Variants in CAMK2D observed in about 807,000 individuals in gnomAD.
CAMK2D encodes calcium/calmodulin dependent protein kinase II delta.
A neutral mutation model predicts 84.0 loss-of-function variants in CAMK2D; 37 were observed. That is an observed-to-expected ratio of 0.44 (90% CI 0.34 to 0.58). The LOEUF is 0.58. Ranked by LOEUF, CAMK2D falls within the 20% of genes least tolerant of loss-of-function variation. The pLI, the probability that CAMK2D is intolerant of heterozygous loss-of-function variation, is 0.02. For synonymous variants in CAMK2D, 202 were observed against 212.5 expected (o/e 0.95, Z 0.43); for missense variants, 448 against 652.5 (o/e 0.69, Z 3.41).
At chr4:113,670,715 G>A (rs2099277559) in intron 2 of CAMK2D, among the ~76,000 whole-genome samples, 1 of 149,086 alleles carries the variant, frequency 6.7e-6, no homozygotes, top group African/African-American at 2.5e-5. Flanking sequence ...GAAGGACCCA[G>A]AATGGAAACA....
At chr4:113,511,564 T>C (rs994409671) in intron 12 of CAMK2D, among the ~76,000 whole-genome samples, 3 of 152,210 alleles carry the variant, frequency 2.0e-5, no homozygotes, top group African/African-American at 7.2e-5. Context: ...TTATGCTATA[T>C]AAATCACTCT....
intron 3 of CAMK2D, among the ~76,000 whole-genome samples, chr4:113,614,130 G>A (rs1286771334): frequency 6.6e-6 from 1 of 152,070 alleles, no homozygotes; most frequent in Non-Finnish European, 1.5e-5. Context: ...TTCTATTTCA[G>A]TACTACTTCT....
At chr4:113,673,989 T>A (rs1028653764) in intron 2 of CAMK2D, among the ~76,000 whole-genome samples, 1 of 87,944 alleles carries the variant, frequency 1.1e-5, no homozygotes, top group Non-Finnish European at 2.2e-5. Flanking sequence ...AGAATTCTGA[T>A]TACAGATTTA....
chr4:113,562,555 G>C (rs951063340), intron 4 of CAMK2D, among the ~76,000 whole-genome samples: 12 of 152,246 alleles, frequency 7.9e-5, no homozygotes, highest in Non-Finnish European at 1.3e-4. Flanking sequence ...ATTTCTAAGT[G>C]CATGCTTTTT....
At chr4:113,517,772 G>A in intron 8 of CAMK2D, 115 bp from the exon 9 acceptor site, 1 of 579,888 alleles carries the variant, frequency 1.7e-6, no homozygotes, top group Non-Finnish European at 3.2e-6. Flanking sequence ...AAACTGGATT[G>A]TAGGAAAACT....
In CAMK2D at chr4:113,500,463, CT is replaced by C; in HGVS notation, c.1134del (p.Ala379HisfsTer13). ...SNTTIEDEDV[K>X]ARKQEIIKVT... is the part of the protein sequence containing the mutation. ...TTTTCCATTTCTGGTTAAATCATACCTTTCACATCTTCATCCTCAATTGTTG... is the reference window on the plus strand; with the variant it reads ...TTTTCCATTTCTGGTTAAATCATACCTTCACATCTTCATCCTCAATTGTTG... On this transcript the variant is annotated frameshift_variant and splice_region_variant, in exon 16 of 21. Coordinates refer to ENST00000511664, the MANE Select transcript of CAMK2D (RefSeq NM_001321571.2). LOFTEE classifies it high-confidence loss of function. 6.3e-7 allele frequency: 1 copy of C among 1,580,660 alleles called. No homozygotes were observed. Among genetic ancestry groups the C allele is most frequent in the Non-Finnish European group, 8.7e-7 (1 of 1,154,080 alleles).
rs574077002 is a variant in CAMK2D, at chr4:113,761,116, G to C, written c.-48C>G. ...GCTGGGAGCGCGACGGACCAGAAGC[G>C]AGCAGACGCGCGGCTAACCCCGGGA... On this transcript the variant is annotated 5_prime_UTR_variant, in exon 1 of 21. Transcript: ENST00000511664. The C allele has an allele frequency of 1.8e-5, 29 of 1,612,138 alleles. No individual in the cohort carries two copies. In the South Asian group the frequency reaches 2.2e-4, roughly 12 times the overall value.
Position 113,730,658 on chromosome 4 carries a change from T to C in CAMK2D, c.160+28662A>G, listed in dbSNP as rs78246600. On this transcript the variant is annotated intron_variant, in intron 2 of 20. Transcript: ENST00000511664. ...TGAGACATTTTCCACCATACAAAACTTTTTTACCCAATTCATGGAACTTAT... is the reference window on the plus strand; with the variant it reads ...TGAGACATTTTCCACCATACAAAACCTTTTTACCCAATTCATGGAACTTAT... Among the ~76,000 whole-genome samples the C allele has an allele frequency of 7.7e-3, 1,171 of 152,280 alleles. 20 individuals carry two copies. The highest frequency in any genetic ancestry group is 0.026 in the African/African-American group (1,093 of 41,558).
chr4:113,680,257 G>A (rs1381538178), intron 2 of CAMK2D, among the ~76,000 whole-genome samples: 2 of 152,126 alleles, frequency 1.3e-5, no homozygotes, highest in Non-Finnish European at 2.9e-5. Flanking sequence ...GAAAGGAGAA[G>A]GAAGAAAGAT....
chr4:113,614,844 A>G (rs2099015041), intron 3 of CAMK2D, among the ~76,000 whole-genome samples: 1 of 152,210 alleles, frequency 6.6e-6, no homozygotes, highest in African/African-American at 2.4e-5. Flanking sequence ...AAGCAAATTT[A>G]GCAGAAAAAA....
intron 6 of CAMK2D, among the ~76,000 whole-genome samples, chr4:113,538,935 G>A (rs1359989334): frequency 6.6e-6 from 1 of 152,128 alleles, no homozygotes; most frequent in African/African-American, 2.4e-5. Flanking sequence ...ATTTTGTGGG[G>A]CTGATAGGGA....
intron 16 of CAMK2D, among the ~76,000 whole-genome samples, chr4:113,469,964 C>T (rs1454596955): frequency 6.6e-6 from 1 of 152,128 alleles, no homozygotes; most frequent in African/African-American, 2.4e-5. Flanking sequence ...GTTTCTGCAA[C>T]CAATTTTGCT....
At chr4:113,556,720 G>A (rs2098667339) in intron 4 of CAMK2D, among the ~76,000 whole-genome samples, 1 of 152,130 alleles carries the variant, frequency 6.6e-6, no homozygotes, top group Non-Finnish European at 1.5e-5. Context: ...AGGGAACCAT[G>A]TGTCTAAATG....
In CAMK2D at chr4:113,452,699, G is replaced by A. The variant is rs1000558358; in HGVS notation, c.*1846C>T. ...TTTTTTTTTCTTTAAATACATGTAT[G>A]CCACGTATAGCTGCTTCACAAAAGG... is the stretch of plus-strand genomic sequence containing the variant. On this transcript the variant is annotated 3_prime_UTR_variant, in exon 21 of 21. Coordinates refer to ENST00000511664, the MANE Select transcript of CAMK2D (RefSeq NM_001321571.2). 3.3e-5 allele frequency: 5 copies of A among 152,190 alleles called. No individual in the cohort carries two copies. The highest frequency in any genetic ancestry group is 1.2e-4 in the African/African-American group (5 of 41,330). The allele number at this position is 152,190 out of a possible 1,614,324, so 9.4% of individuals were successfully genotyped here. A position where few individuals can be genotyped will look rare whatever the true frequency, so the allele number is the denominator to read the frequency against.
chr4:113,569,653 A>G (rs2098742990), intron 4 of CAMK2D, among the ~76,000 whole-genome samples: 1 of 152,030 alleles, frequency 6.6e-6, no homozygotes, highest in Admixed American at 6.5e-5. Flanking sequence ...ATTTGAGAGA[A>G]TTGGCCAATA....
At chr4:113,678,646 A>G (rs2099328434) in intron 2 of CAMK2D, among the ~76,000 whole-genome samples, 1 of 152,092 alleles carries the variant, frequency 6.6e-6, no homozygotes, top group Non-Finnish European at 1.5e-5. Context: ...TAGCTATTTG[A>G]AAATATATAA....
At position 113,537,374 on chromosome 4, in the gene CAMK2D, T is replaced by C. The variant is rs762312398; in HGVS notation, c.484A>G (p.Ile162Val). 3.1e-6 allele frequency: 5 copies of C among 1,612,646 alleles called. No homozygotes were observed. In the African/African-American group the frequency reaches 4.0e-5, roughly 13 times the overall value. The change falls in exon 7 of 21, where the codon ATA becomes GTA. Residue 162 changes from isoleucine (I) to valine (V), a missense_variant. Physicochemically the swap from Ile to Val is conservative, Grantham distance 29. Coordinates refer to ENST00000511664, the MANE Select transcript of CAMK2D (RefSeq NM_001321571.2). ...AVKLADFGLA[I>V]EVQGDQQAWF... The stretch of plus-strand genomic sequence containing the variant: ...GCCTGCTGGTCCCCTTGAACTTCTA[T>C]GGCTAAGCCAAAGTCTGCCAATTTC...
intron 9 of CAMK2D, among the ~76,000 whole-genome samples, chr4:113,516,349 T>C (rs1321813786): frequency 6.6e-6 from 1 of 152,208 alleles, no homozygotes; most frequent in African/African-American, 2.4e-5. Flanking sequence ...GGTCTTCTGA[T>C]AGCAAATGAG....
intron 3 of CAMK2D, among the ~76,000 whole-genome samples, chr4:113,637,150 C>T (rs1282207168): frequency 1.3e-5 from 2 of 152,148 alleles, no homozygotes; most frequent in Non-Finnish European, 1.5e-5. Flanking sequence ...TTCACAGCCC[C>T]TGTTCCCAGA....
Sources: allele counts gnomAD v4.1 joint callset (sites outside exome capture counted in the v4.1 genomes callset), GRCh38; gene constraint gnomAD v4.1.1; transcripts MANE v1.5; gene names NCBI Gene and HGNC (gene_info 2026-07-23, HGNC 2026-07-21).